Variants in ZNF583 observed in about 807,000 individuals in gnomAD.
ZNF583 encodes the protein zinc finger protein L3-5.
A neutral mutation model predicts 55.3 loss-of-function variants in ZNF583; 30 were observed. That is an observed-to-expected ratio of 0.54 (90% confidence interval 0.41 to 0.74). ZNF583 has a LOEUF of 0.74. Among genes scored for constraint, ZNF583 ranks in the 30% least tolerant of loss-of-function variants. The probability of loss-of-function intolerance (pLI) is 0.00; values close to 1 mark genes in which losing one functional copy is unlikely to be tolerated. For missense variants in ZNF583, 504 were observed against 664.7 expected, an observed-to-expected ratio of 0.76 and a Z score of 2.66; for synonymous variants, 208 against 220.0, an observed-to-expected ratio of 0.95 and a Z score of 0.48.
At chr19:56,416,126 G>T (rs2042317662) in intron 4 of ZNF583, among the ~76,000 whole-genome samples, 2 of 151,634 alleles carry the variant, frequency 1.3e-5, no homozygotes, top group South Asian at 4.2e-4. Flanking sequence ...AGGAGTTCAA[G>T]ACCAGCCTGG....
In ZNF583 at chr19:56,423,112, G is replaced by A. The variant is rs375785771; in HGVS notation, c.454G>A (p.Glu152Lys). 6.2e-7 allele frequency: 1 copy of A among 1,611,826 alleles called. No individual in the cohort carries two copies. Among genetic ancestry groups the A allele is most frequent in the Non-Finnish European group, 8.5e-7 (1 of 1,179,446 alleles). ...CATCACTCATAAAGAAATCCTTCCAGAAGTTCAAAATAAAGAATATAACAA... is the reference window on the plus strand; with the variant it reads ...CATCACTCATAAAGAAATCCTTCCAAAAGTTCAAAATAAAGAATATAACAA... Reference protein sequence around the residue: ...LIITHKEILPEVQNKEYNKSW... With the variant: ...LIITHKEILPKVQNKEYNKSW... Residue 152 changes from glutamate (E) to lysine (K), a missense_variant, in exon 5 of 5, where the codon GAA (glutamate) becomes AAA (lysine). By Grantham distance (56) the Glu-to-Lys change is moderately conservative. Transcript: ENST00000333201.
In ZNF583 at chr19:56,423,587, A is replaced by G. The variant is rs777044300; in HGVS notation, c.929A>G (p.His310Arg). The change falls in exon 5 of 5, where the codon CAC (histidine) becomes CGC (arginine). Residue 310 changes from histidine to arginine, a missense_variant. Coordinates refer to ENST00000333201, the MANE Select transcript of ZNF583 (RefSeq NM_152478.3). ...AAAAAAGCCTTCAGCCAGATTGCACACCTGACTCAGCATCAGAGAGTTCAT... is the reference window on the plus strand; with the variant it reads ...AAAAAAGCCTTCAGCCAGATTGCACGCCTGACTCAGCATCAGAGAGTTCAT... ...ECKKAFSQIAHLTQHQRVHTG... is the reference protein window; with the variant it reads ...ECKKAFSQIARLTQHQRVHTG... The G allele has an allele frequency of 6.2e-7, 1 of 1,613,958 alleles. No individual in the cohort carries two copies. Among genetic ancestry groups the G allele is most frequent in the South Asian group, 1.1e-5 (1 of 91,072 alleles).
chr19:56,423,014 G>C lies in ZNF583; in HGVS notation c.356G>C (p.Arg119Thr), dbSNP rs751670896. 1.2e-6 allele frequency: 2 copies of C among 1,613,990 alleles called. No homozygotes were observed. The highest frequency in any genetic ancestry group is 1.7e-6 in the Non-Finnish European group (2 of 1,179,936). ...LSYSLDYPSLREDCQSEDWYK... is the reference protein window; with the variant it reads ...LSYSLDYPSLTEDCQSEDWYK... Reference sequence around the variant, plus strand: ...TATAGCCTTGACTATCCCAGTTTGAGAGAAGACTGTCAAAGTGAGGACTGG... The same window carrying C: ...TATAGCCTTGACTATCCCAGTTTGACAGAAGACTGTCAAAGTGAGGACTGG... The change falls in exon 5 of 5, where the codon AGA becomes ACA. Residue 119 changes from arginine (R) to threonine (T), a missense_variant. Coordinates refer to ENST00000333201, the MANE Select transcript of ZNF583 (RefSeq NM_152478.3).
rs1177524733 is a variant in ZNF583 at position 56,410,693 on chromosome 19, C to T, written c.10-3266C>T. On this transcript the variant is annotated intron_variant, in intron 2 of 4. Coordinates refer to ENST00000333201, the MANE Select transcript of ZNF583 (RefSeq NM_152478.3). ...CTCCAGCCTGGGCGACAGAGCAAGACTCCATGTCAAAAACACAAACAGCAA... is the reference window on the plus strand; with the variant it reads ...CTCCAGCCTGGGCGACAGAGCAAGATTCCATGTCAAAAACACAAACAGCAA... Among the ~76,000 whole-genome samples the T allele has an allele frequency of 1.3e-5, 2 of 151,836 alleles. 1 individual carries two copies. The highest frequency in any genetic ancestry group is 1.3e-4 in the Admixed American group (2 of 15,252).
Position 56,423,157 on chromosome 19 carries a change from C to T in ZNF583, c.499C>T (p.Gln167Ter). Residue 167 changes from glutamine (Q) to a stop codon, truncating the protein, a stop_gained, in exon 5 of 5, where the codon CAG becomes TAG. Transcript: ENST00000333201. LOFTEE classifies it high-confidence loss of function. ...TAACAAATCTTGGCAAACATTCCAC[C>T]AGGATACAATCTTTGATATACAACA... ...EYNKSWQTFH[Q>*]DTIFDIQQSF... is the part of the protein sequence containing the mutation. The T allele has an allele frequency of 4.3e-6, 7 of 1,612,832 alleles. No individual in the cohort carries two copies. The highest frequency in any genetic ancestry group is 5.9e-6 in the Non-Finnish European group (7 of 1,179,820).
At position 56,424,272 on chromosome 19, in the gene ZNF583, T is replaced by G; in HGVS notation, c.1614T>G (p.His538Gln). Residue 538 changes from histidine (H) to glutamine (Q), a missense_variant, in exon 5 of 5, where the codon CAT becomes CAG. By Grantham distance (24) the His-to-Gln change is conservative. This residue lies in a region of ZNF583 where 63 missense variants were observed against 56.5 expected (regional missense o/e 1.11). Coordinates refer to ENST00000333201, the MANE Select transcript of ZNF583 (RefSeq NM_152478.3). Reference sequence around the variant, plus strand: ...GGCAGCGTGCACATCTTGCTCATCATGAGAGAATTCATACTATGGAGTCAT... The same window carrying G: ...GGCAGCGTGCACATCTTGCTCATCAGGAGAGAATTCATACTATGGAGTCAT... Reference protein sequence around the residue: ...SFRQRAHLAHHERIHTMESFL... With the variant: ...SFRQRAHLAHQERIHTMESFL... 1.2e-6 allele frequency: 2 copies of G among 1,613,966 alleles called. No homozygotes were observed. Among genetic ancestry groups the G allele is most frequent in the Non-Finnish European group, 1.7e-6 (2 of 1,179,920 alleles).
At chr19:56,419,902 C>T (rs1555825012) in intron 4 of ZNF583, among the ~76,000 whole-genome samples, 5 of 152,014 alleles carry the variant, frequency 3.3e-5, no homozygotes, top group Non-Finnish European at 7.4e-5. Context: ...AAAGAACCTA[C>T]TTTTGTTTTA....
chr19:56,425,553 T>A lies in ZNF583; in HGVS notation c.*1185T>A, dbSNP rs770757221. 6.6e-6 allele frequency: 1 copy of A among 152,176 alleles called. No individual in the cohort carries two copies. The highest frequency in any genetic ancestry group is 1.5e-5 in the Non-Finnish European group (1 of 68,042). The allele number at this position is 152,176 out of a possible 1,614,324, so 9.4% of individuals were successfully genotyped here. ...AAGACAGTTTACTGAGATGTATTCA[T>A]CATTTACATGTAAACAAAGGCAAAA... On this transcript the variant is annotated 3_prime_UTR_variant, in exon 5 of 5. Coordinates refer to ENST00000333201, the MANE Select transcript of ZNF583 (RefSeq NM_152478.3).
At chr19:56,421,528 A>G (rs979003752) in intron 4 of ZNF583, 21 of 983,768 alleles carry the variant, frequency 2.1e-5, no homozygotes, top group Non-Finnish European at 2.4e-5. Context: ...CAATTTAAGT[A>G]TGTTGCCTTC....
rs950113746 is a variant in ZNF583, at chr19:56,404,681, C to A, written c.-90+229C>A. Among the ~76,000 whole-genome samples, 1 of 151,704 alleles carries A rather than the reference C, an allele frequency of 6.6e-6. No homozygotes were observed. Among genetic ancestry groups the A allele is most frequent in the African/African-American group, 2.4e-5 (1 of 41,284 alleles). ...TGTGAATATGTGTGTCAGTGTGAGACCATGTGGGACAAATGTGGGACTATG... is the reference window on the plus strand; with the variant it reads ...TGTGAATATGTGTGTCAGTGTGAGAACATGTGGGACAAATGTGGGACTATG... On this transcript the variant is annotated intron_variant, in intron 1 of 4. Transcript: ENST00000333201. This position sits in a 1 kb window ranked among gnomAD's most constrained non-coding sequence, Gnocchi z 5.2.
In ZNF583 at chr19:56,424,253, G is replaced by T; in HGVS notation, c.1595G>T (p.Arg532Leu). ...GATTGCAGGAAATCTTTCAGGCAGCGTGCACATCTTGCTCATCATGAGAGA... is the reference window on the plus strand; with the variant it reads ...GATTGCAGGAAATCTTTCAGGCAGCTTGCACATCTTGCTCATCATGAGAGA... ...CKDCRKSFRQ[R>L]AHLAHHERIH... Residue 532 changes from arginine (R) to leucine (L), a missense_variant, in exon 5 of 5, where the codon CGT becomes CTT. Transcript: ENST00000333201. The T allele has an allele frequency of 6.2e-7, 1 of 1,613,910 alleles. No homozygotes were observed. Among genetic ancestry groups the T allele is most frequent in the Non-Finnish European group, 8.5e-7 (1 of 1,179,956 alleles).
Position 56,422,956 on chromosome 19 carries a change from A to G in ZNF583, c.298A>G (p.Lys100Glu), listed in dbSNP as rs1454240060. ...GCAAGAGACATATGAAGAATCATCC[A>G]AAGTTGTGACAGTGGGAGCAAGACA... ...SKQETYEESS[K>E]VVTVGARHLS... is the part of the protein sequence containing the mutation. The change falls in exon 5 of 5, where the codon AAA becomes GAA. Residue 100 changes from lysine to glutamate, a missense_variant. Lys to Glu is a moderately conservative substitution (Grantham distance 56, BLOSUM62 1). Around this residue, in one of 3 missense-constraint regions of ZNF583, gnomAD observed 204 missense variants for 235.2 expected, o/e 0.87. Coordinates refer to ENST00000333201, the MANE Select transcript of ZNF583 (RefSeq NM_152478.3). 1 of 1,613,574 alleles carries G rather than the reference A, an allele frequency of 6.2e-7. No homozygotes were observed. Among genetic ancestry groups the G allele is most frequent in the African/African-American group, 1.3e-5 (1 of 74,932 alleles).
At position 56,426,901 on chromosome 19, in the gene ZNF583, G is replaced by A. The variant is rs1433133180; in HGVS notation, c.*2533G>A. 1 of 143,636 alleles carries A rather than the reference G, an allele frequency of 7.0e-6. No homozygotes were observed. Among genetic ancestry groups the A allele is most frequent in the Non-Finnish European group, 1.5e-5 (1 of 66,732 alleles). The allele number at this position is 143,636 out of a possible 1,614,324, so 8.9% of individuals were successfully genotyped here. On this transcript the variant is annotated 3_prime_UTR_variant, in exon 5 of 5. Transcript: ENST00000333201. ...TCGGCACACAATGTCTTTCCCTCCA[G>A]ATTCTATTATACACATAGAACAATG...
At chr19:56,406,975 T>C in intron 1 of ZNF583, 51 bp from the exon 2 acceptor site, 1 of 829,602 alleles carries the variant, frequency 1.2e-6, no homozygotes, top group Non-Finnish European at 1.9e-6. Flanking sequence ...CTGATGATAC[T>C]GAGAGCTGCA....
chr19:56,414,660 G>C, intron 4 of ZNF583: 1 of 476,030 alleles, frequency 2.1e-6, no homozygotes, highest in South Asian at 2.7e-5. Flanking sequence ...AATCTTCTCT[G>C]ATAACCCATT....
intron 1 of ZNF583, among the ~76,000 whole-genome samples, chr19:56,405,206 A>AT (rs971380606): frequency 6.6e-6 from 1 of 152,078 alleles, no homozygotes; most frequent in African/African-American, 2.4e-5. Context: ...CTAAGATTGT[A>AT]TGTGACAGTG....
Position 56,424,870 on chromosome 19 carries a change from A to G in ZNF583, c.*502A>G, listed in dbSNP as rs1218000885. 6.5e-6 allele frequency: 1 copy of G among 154,360 alleles called. No homozygotes were observed. Among genetic ancestry groups the G allele is most frequent in the Non-Finnish European group, 1.4e-5 (1 of 69,308 alleles). 9.6% of individuals were successfully genotyped at this position (154,360 alleles called of 1,614,324 possible). On this transcript the variant is annotated 3_prime_UTR_variant, in exon 5 of 5. Transcript: ENST00000333201. ...TAATAATGGTTCTACCTCAGAAGTT[A>G]ATAGAAGAATGAAATAATGCATGTA...
chr19:56,411,834 A>G (rs1410771203), intron 2 of ZNF583, among the ~76,000 whole-genome samples: 1 of 152,202 alleles, frequency 6.6e-6, no homozygotes, highest in Non-Finnish European at 1.5e-5. Flanking sequence ...TCCTTTATAG[A>G]TAACCTCCTT....
intron 1 of ZNF583, among the ~76,000 whole-genome samples, chr19:56,406,706 T>A (rs1387830878): frequency 6.6e-6 from 1 of 152,064 alleles, no homozygotes; most frequent in African/African-American, 2.4e-5. Context: ...TTGTGTATTT[T>A]TTAGTAGAGA....
Sources: gnomAD v4.1 joint callset for allele counts (sites outside exome capture counted in the v4.1 genomes callset) on GRCh38, gnomAD v4.1.1 for gene constraint, gnomAD v4.1.1 regional missense constraint, Gnocchi (gnomAD v3.1) non-coding constraint, MANE v1.5 for transcripts, NCBI Gene and HGNC (gene_info 2026-07-23, HGNC 2026-07-21) for gene names.